The following SPEN variants were observed in gnomAD, a reference collection of about 807,000 sequenced individuals.
SPEN encodes the protein msx2-interacting protein.
Under a neutral mutation model 269.9 loss-of-function variants are expected in SPEN, and 18 were observed. That is an observed-to-expected ratio of 0.07 (90% CI 0.05 to 0.10). SPEN has a LOEUF of 0.10. SPEN is among the 10% of genes least tolerant of loss of function. The pLI, the probability that SPEN is intolerant of heterozygous loss-of-function variation, is 1.00. For synonymous variants in SPEN, 1,726 were observed against 1,765.7 expected (o/e 0.98, Z 0.56); for missense variants, 3,822 against 4,631.2 (o/e 0.83, Z 5.07).
In SPEN at chr1:15,931,241, G is replaced by A. The variant is rs1265286908; in HGVS notation, c.5001G>A (p.Leu1667=). 1 of 1,614,070 alleles carries A rather than the reference G, an allele frequency of 6.2e-7. No homozygotes were observed. The highest frequency in any genetic ancestry group is 8.5e-7 in the Non-Finnish European group (1 of 1,180,040). The change falls in exon 11 of 15, where the codon TTG becomes TTA. Residue 1667 remains leucine, a synonymous_variant. Coordinates refer to ENST00000375759, the MANE Select transcript of SPEN (RefSeq NM_015001.3). The surrounding 1 kb of genome is among the most constrained non-coding windows in gnomAD (Gnocchi z 4.8). The part of the protein sequence containing the change: ...TTGDKTVEAP[L]VTEEKTVEPA... ...GTGACAAAACGGTAGAGGCGCCTTT[G>A]GTAACAGAAGAGAAGACTGTGGAGC...
chr1:15,927,045 C>T (rs962832229), intron 10 of SPEN, among the ~76,000 whole-genome samples: 3 of 152,092 alleles, frequency 2.0e-5, no homozygotes, highest in Non-Finnish European at 4.4e-5. Context: ...CTAGAATGAG[C>T]CAGGTGTATC....
At chr1:15,906,838 A>G (rs1379944835) in intron 3 of SPEN, among the ~76,000 whole-genome samples, 2 of 130,278 alleles carry the variant, frequency 1.5e-5, no homozygotes, top group African/African-American at 6.1e-5. Flanking sequence ...GTGTAGTGGT[A>G]TGACCATGGC....
chr1:15,905,078 G>A (rs967439757), intron 3 of SPEN, among the ~76,000 whole-genome samples: 1 of 150,976 alleles, frequency 6.6e-6, no homozygotes, highest in Admixed American at 6.6e-5. Context: ...AGTACAGATG[G>A]TATTTCACCA....
Position 15,873,086 on chromosome 1 carries a change from C to G in SPEN, c.354C>G (p.Pro118=). The change falls in exon 2 of 15, where the codon CCC becomes CCG. Residue 118 remains proline, a synonymous_variant. Transcript: ENST00000375759. The part of the protein sequence containing the change: ...RGGGGGPAYG[P]PPSLHAREGR... ...GTGGTGGAGGGCCTGCTTATGGTCCCCCACCGTCACTTCATGCACGAGAAG... is the reference window on the plus strand; with the variant it reads ...GTGGTGGAGGGCCTGCTTATGGTCCGCCACCGTCACTTCATGCACGAGAAG... The G allele has an allele frequency of 6.2e-7, 1 of 1,614,012 alleles. No individual in the cohort carries two copies. The highest frequency in any genetic ancestry group is 8.5e-7 in the Non-Finnish European group (1 of 1,179,988).
chr1:15,917,699 A>G (rs2071078736), intron 6 of SPEN: 1 of 153,316 alleles, frequency 6.5e-6, no homozygotes, highest in African/African-American at 2.4e-5. Flanking sequence ...CTGGGAGATA[A>G]CATTTTGTAA....
In SPEN at chr1:15,916,755, T is replaced by C. The variant is rs148948219; in HGVS notation, c.1395+476T>C. Among the ~76,000 whole-genome samples the C allele has an allele frequency of 3.3e-3, 498 of 152,248 alleles. 1 individual carries two copies. Among genetic ancestry groups the C allele is most frequent in the African/African-American group, 0.011 (452 of 41,562 alleles). ...TCTTACCCATTTTTATCTTTCTTTGTTCATTGGGTTCTGTTTTAATGCCAT... is the reference window on the plus strand; with the variant it reads ...TCTTACCCATTTTTATCTTTCTTTGCTCATTGGGTTCTGTTTTAATGCCAT... On this transcript the variant is annotated intron_variant, in intron 6 of 14. Transcript: ENST00000375759.
intron 3 of SPEN, among the ~76,000 whole-genome samples, chr1:15,894,959 G>A (rs1158253918): frequency 6.6e-6 from 1 of 151,720 alleles, no homozygotes; most frequent in Non-Finnish European, 1.5e-5. Context: ...TTTCGCTCTT[G>A]TTGCCCAGGC....
chr1:15,862,109 C>G (rs1030800448), intron 1 of SPEN, among the ~76,000 whole-genome samples: 2 of 152,116 alleles, frequency 1.3e-5, no homozygotes, highest in Admixed American at 6.6e-5. Flanking sequence ...TTGAGGGACT[C>G]TTGATGTGGA....
intron 3 of SPEN, among the ~76,000 whole-genome samples, chr1:15,877,953 C>T (rs1413982461): frequency 6.6e-6 from 1 of 151,926 alleles, no homozygotes; most frequent in Non-Finnish European, 1.5e-5. Context: ...CCGTGTTGGC[C>T]AGGCTGGTCT....
At chr1:15,857,458 G>T (rs1239299774) in intron 1 of SPEN, among the ~76,000 whole-genome samples, 2 of 152,060 alleles carry the variant, frequency 1.3e-5, no homozygotes, top group African/African-American at 2.4e-5. Flanking sequence ...CCGGGTTCAA[G>T]CTATTCTTGT....
Position 15,935,545 on chromosome 1 carries a change from C to T in SPEN, c.9305C>T (p.Thr3102Ile). Reference sequence around the variant, plus strand: ...TCCCAGGGCGAGGTGAGAATGAACACTCCCACGCTGCCCAGTATCACCTAC... The same window carrying T: ...TCCCAGGGCGAGGTGAGAATGAACATTCCCACGCTGCCCAGTATCACCTAC... Reference protein sequence around the residue: ...HLSQGEVRMNTPTLPSITYSI... With the variant: ...HLSQGEVRMNIPTLPSITYSI... The change falls in exon 11 of 15, where the codon ACT becomes ATT. Residue 3102 changes from threonine to isoleucine, a missense_variant. Thr to Ile is a moderately conservative substitution (Grantham distance 89, BLOSUM62 -1). Transcript: ENST00000375759. This position sits in a 1 kb window ranked among gnomAD's most constrained non-coding sequence, Gnocchi z 7.7. The T allele has an allele frequency of 6.2e-7, 1 of 1,614,076 alleles. No individual in the cohort carries two copies. Among genetic ancestry groups the T allele is most frequent in the South Asian group, 1.1e-5 (1 of 91,074 alleles).
At chr1:15,859,140 G>GTTTTTT (rs34623941) in intron 1 of SPEN, among the ~76,000 whole-genome samples, 3 of 135,664 alleles carry the variant, frequency 2.2e-5, no homozygotes, top group African/African-American at 8.3e-5. Context: ...TTCTTTTTTA[G>GTTTTTT]TTTTTTTTTT....
chr1:15,926,501 T>C (rs848206), intron 10 of SPEN, among the ~76,000 whole-genome samples: 16,098 of 152,040 alleles, frequency 0.11, 1,225 homozygotes, highest in Admixed American at 0.23. Context: ...TGTTGGAATG[T>C]TCAGTCTAGA....
At chr1:15,875,512 AGTAGCATGTG>A (rs1178918985) in intron 2 of SPEN, among the ~76,000 whole-genome samples, 2 of 152,148 alleles carry the variant, frequency 1.3e-5, no homozygotes, top group African/African-American at 2.4e-5. Context: ...ATTCACATAG[AGTAGCATGTG>A]GTAACCCAAT....
chr1:15,862,827 TC>T (rs1350311448), intron 1 of SPEN, among the ~76,000 whole-genome samples: 3 of 151,754 alleles, frequency 2.0e-5, no homozygotes, highest in Non-Finnish European at 2.9e-5. Context: ...AGTGATGCAA[TC>T]TCAGCTTACT....
At position 15,934,467 on chromosome 1, in the gene SPEN, G is replaced by A. The variant is rs746492374; in HGVS notation, c.8227G>A (p.Ala2743Thr). 1 of 1,614,074 alleles carries A rather than the reference G, an allele frequency of 6.2e-7. No homozygotes were observed. The highest frequency in any genetic ancestry group is 1.1e-5 in the South Asian group (1 of 91,084). ...NATASAVTVT[A>T]GAVTAASGGV... is the part of the protein sequence containing the mutation. ...CACAGCAAGTGCAGTGACCGTCACA[G>A]CGGGTGCGGTTACTGCTGCATCTGG... is the stretch of plus-strand genomic sequence containing the variant. The change falls in exon 11 of 15, where the codon GCG (alanine) becomes ACG (threonine). Residue 2743 changes from alanine to threonine, a missense_variant. Ala to Thr is a moderately conservative substitution (Grantham distance 58). Transcript: ENST00000375759. This position sits in a 1 kb window ranked among gnomAD's most constrained non-coding sequence, Gnocchi z 9.2.
intron 1 of SPEN, among the ~76,000 whole-genome samples, chr1:15,863,343 C>T (rs1318152758): frequency 2.0e-5 from 3 of 152,084 alleles, no homozygotes; most frequent in Non-Finnish European, 4.4e-5. Flanking sequence ...TGAAGAATGT[C>T]TGCATTCAGA....
In SPEN at chr1:15,928,780, G is replaced by A. The variant is rs927365481; in HGVS notation, c.2540G>A (p.Ser847Asn). The A allele has an allele frequency of 6.2e-7, 1 of 1,614,122 alleles. No homozygotes were observed. The highest frequency in any genetic ancestry group is 1.3e-5 in the African/African-American group (1 of 75,018). ...GACCAAGAAAATGAGCGAGAGCAAA[G>A]CCCTGAAAAGCCCAGGAGTTGTAAT... ...ETDQENEREQ[S>N]PEKPRSCNKL... The change falls in exon 11 of 15, where the codon AGC becomes AAC. Residue 847 changes from serine (S) to asparagine (N), a missense_variant. Around this residue, in one of 16 missense-constraint regions of SPEN, gnomAD observed 572 missense variants for 582.6 expected, o/e 0.98. Transcript: ENST00000375759. The surrounding 1 kb of genome is among the most constrained non-coding windows in gnomAD (Gnocchi z 5.7).
chr1:15,879,044 G>GA, intron 3 of SPEN, among the ~76,000 whole-genome samples: 1 of 145,680 alleles, frequency 6.9e-6, no homozygotes, highest in East Asian at 2.0e-4. Context: ...AGAAAAAAAA[G>GA]AAAAAGTGCT....
Sources: allele counts gnomAD v4.1 joint callset (sites outside exome capture counted in the v4.1 genomes callset), GRCh38; gene constraint gnomAD v4.1.1; regional missense constraint gnomAD v4.1.1; non-coding constraint Gnocchi (gnomAD v3.1); transcripts MANE v1.5; gene names NCBI Gene and HGNC (gene_info 2026-07-23, HGNC 2026-07-21).